SLC4A10: variants seen among roughly 807,000 people sequenced by gnomAD.
SLC4A10 encodes solute carrier family 4 member 10.
SLC4A10 carries 42 observed loss-of-function variants against 137.7 expected under a neutral mutation model. The observed-to-expected ratio is 0.30, with a 90% CI of 0.24 to 0.39. SLC4A10 has a LOEUF of 0.39. Among genes scored for constraint, SLC4A10 ranks in the 10% least tolerant of loss-of-function variants. SLC4A10 has a pLI of 1.00. For missense variants in SLC4A10, 925 were observed against 1,355.0 expected (o/e 0.68, Z 4.98); for synonymous variants, 474 against 464.1 (o/e 1.02, Z -0.27).
intron 1 of SLC4A10, among the ~76,000 whole-genome samples, chr2:161,762,415 C>T (rs1024925377): frequency 2.0e-5 from 3 of 152,084 alleles, no homozygotes; most frequent in Admixed American, 6.6e-5. Flanking sequence ...CGAGCTGATA[C>T]TCGTTTATAT....
Position 161,746,448 on chromosome 2 carries a change from G to A in SLC4A10, c.49-24525G>A, listed in dbSNP as rs150431843. Among the ~76,000 whole-genome samples, 172 of 151,914 alleles carry A rather than the reference G, an allele frequency of 1.1e-3. 2 individuals carry two copies. The East Asian group carries it at 0.027, about 24-fold the overall frequency. ...CCAAGGACTACTTAGTCAACAGGTC[G>A]TAAATTCTGCCAGGCCTAGGTCTCT... On this transcript the variant is annotated intron_variant, in intron 1 of 26. Coordinates refer to ENST00000446997, the MANE Select transcript of SLC4A10 (RefSeq NM_001178015.2).
intron 1 of SLC4A10, among the ~76,000 whole-genome samples, chr2:161,758,046 C>T (rs1380533502): frequency 2.0e-5 from 3 of 151,816 alleles, no homozygotes; most frequent in South Asian, 2.1e-4. Flanking sequence ...ATTTTTTCCA[C>T]GTTATTTTTA....
Position 161,957,276 on chromosome 2 carries a change from A to C in SLC4A10, c.2793+36A>C, listed in dbSNP as rs969867714. On this transcript the variant is annotated intron_variant, in intron 20 of 26. Transcript: ENST00000446997. The stretch of plus-strand genomic sequence containing the variant: ...CTGTCTTTATGAACTTGAGAGAAAG[A>C]ATACATTTATCATCATTTAAAATTT... The C allele has an allele frequency of 1.9e-6, 3 of 1,584,310 alleles. No individual in the cohort carries two copies. In the Admixed American group the frequency reaches 5.4e-5, roughly 29 times the overall value.
chr2:161,698,263 T>G (rs921617006), intron 1 of SLC4A10, among the ~76,000 whole-genome samples: 5 of 152,338 alleles, frequency 3.3e-5, no homozygotes, highest in Admixed American at 2.6e-4. Context: ...ACAGGACAAT[T>G]TGACTTCCTG....
intron 2 of SLC4A10, among the ~76,000 whole-genome samples, chr2:161,784,137 TGAGA>T (rs2053363975): frequency 6.6e-6 from 1 of 151,754 alleles, no homozygotes. Flanking sequence ...CTCAAAAGAC[TGAGA>T]AAGACATCTT....
chr2:161,883,910 A>G (rs531270963), intron 10 of SLC4A10, among the ~76,000 whole-genome samples: 3 of 152,162 alleles, frequency 2.0e-5, no homozygotes, highest in Non-Finnish European at 4.4e-5. Context: ...TCATCTTGAG[A>G]TACTTACCTT....
chr2:161,962,607 T>C (rs1445797771), intron 21 of SLC4A10, among the ~76,000 whole-genome samples: 1 of 152,072 alleles, frequency 6.6e-6, no homozygotes, highest in Non-Finnish European at 1.5e-5. Context: ...CAGGAATGAG[T>C]TCAGCACTTA....
intron 3 of SLC4A10, among the ~76,000 whole-genome samples, chr2:161,829,295 G>A (rs1168855711): frequency 6.6e-6 from 1 of 152,120 alleles, no homozygotes; most frequent in Non-Finnish European, 1.5e-5. Flanking sequence ...TAGCATTTAT[G>A]TGAACTGGAA....
chr2:161,670,931 T>G lies in SLC4A10; in HGVS notation c.48+46365T>G, dbSNP rs147258217. On this transcript the variant is annotated intron_variant, in intron 1 of 26. Coordinates refer to ENST00000446997, the MANE Select transcript of SLC4A10 (RefSeq NM_001178015.2). The stretch of plus-strand genomic sequence containing the variant: ...CTATTGTGTTCATCTGAGCCACATG[T>G]ATGCTCCTCCTGAGTGTTCTTTTTG... Among the ~76,000 whole-genome samples, 1,002 of 152,258 alleles carry G rather than the reference T, an allele frequency of 6.6e-3. 6 individuals are homozygous for G. Among genetic ancestry groups the G allele is most frequent in the African/African-American group, 0.023 (949 of 41,564 alleles).
chr2:161,828,899 AT>A (rs1015563933), intron 3 of SLC4A10, among the ~76,000 whole-genome samples: 1 of 147,400 alleles, frequency 6.8e-6, no homozygotes, highest in Non-Finnish European at 1.5e-5. Context: ...CTACTGAGAT[AT>A]TTTCTTGCAT....
chr2:161,725,623 T>TA, intron 1 of SLC4A10, among the ~76,000 whole-genome samples: 1 of 152,184 alleles, frequency 6.6e-6, no homozygotes. Flanking sequence ...AAAATTACAG[T>TA]AAAAATACTA....
At chr2:161,870,584 A>T (rs1197346876) in intron 6 of SLC4A10, among the ~76,000 whole-genome samples, 3 of 151,926 alleles carry the variant, frequency 2.0e-5, no homozygotes, top group Admixed American at 6.6e-5. Context: ...TGGAGAAATG[A>T]TGTGAAACTG....
intron 1 of SLC4A10, among the ~76,000 whole-genome samples, chr2:161,641,708 G>C (rs1401257882): frequency 1.3e-5 from 2 of 152,028 alleles, no homozygotes; most frequent in Non-Finnish European, 2.9e-5. Flanking sequence ...ATTAGAAGTT[G>C]TTTGGATAAT....
At chr2:161,905,409 C>T (rs941987635) in intron 14 of SLC4A10, among the ~76,000 whole-genome samples, 7 of 152,118 alleles carry the variant, frequency 4.6e-5, no homozygotes, top group East Asian at 1.9e-4. Flanking sequence ...TGAGCTCAGG[C>T]GGTAATGCTC....
intron 2 of SLC4A10, among the ~76,000 whole-genome samples, chr2:161,789,632 G>A (rs989463417): frequency 2.0e-5 from 3 of 152,048 alleles, no homozygotes; most frequent in Non-Finnish European, 2.9e-5. Context: ...ATAGTTTTAT[G>A]GTACCACTAT....
At chr2:161,634,077 T>A (rs1159794913) in intron 1 of SLC4A10, among the ~76,000 whole-genome samples, 1 of 151,860 alleles carries the variant, frequency 6.6e-6, no homozygotes, top group Non-Finnish European at 1.5e-5. Context: ...ATGTCCATTT[T>A]CTGTTCTAGG....
At chr2:161,843,597 G>A (rs372704392) in intron 4 of SLC4A10, among the ~76,000 whole-genome samples, 23 of 152,160 alleles carry the variant, frequency 1.5e-4, no homozygotes, top group African/African-American at 5.1e-4. Flanking sequence ...TGAGGATTTC[G>A]AAAAGTAACA....
chr2:161,775,114 C>G (rs550870599), intron 2 of SLC4A10, among the ~76,000 whole-genome samples: 1 of 151,904 alleles, frequency 6.6e-6, no homozygotes. Flanking sequence ...TTTTAAAGGC[C>G]TAAATTATGT....
At chr2:161,813,897 C>A (rs1304674595) in intron 3 of SLC4A10, among the ~76,000 whole-genome samples, 1 of 152,070 alleles carries the variant, frequency 6.6e-6, no homozygotes, top group Non-Finnish European at 1.5e-5. Flanking sequence ...GTACACCAAC[C>A]AGAATCTCTG....
Sources: gnomAD v4.1 joint callset for allele counts (sites outside exome capture counted in the v4.1 genomes callset) on GRCh38, gnomAD v4.1.1 for gene constraint, MANE v1.5 for transcripts, NCBI Gene and HGNC (gene_info 2026-07-23, HGNC 2026-07-21) for gene names.